ADGRB3: variants seen among roughly 807,000 people sequenced by gnomAD.
ADGRB3 encodes the protein brain-specific angiogenesis inhibitor 3.
In ADGRB3, 37 loss-of-function variants were observed where a neutral mutation model predicts 193.4. The observed-to-expected ratio is 0.19, with a 90% confidence interval of 0.15 to 0.25. The LOEUF is 0.25. ADGRB3 is among the 10% of genes least tolerant of loss of function. ADGRB3 has a pLI of 1.00. For missense variants in ADGRB3, 1,637 were observed against 1,852.9 expected (o/e 0.88, Z 2.14); for synonymous variants, 690 against 644.2 (o/e 1.07, Z -1.08).
intron 20 of ADGRB3, among the ~76,000 whole-genome samples, chr6:69,265,894 AGTTT>A (rs1316307031): frequency 1.3e-5 from 2 of 151,978 alleles, no homozygotes; most frequent in African/African-American, 4.8e-5. Context: ...AGGAAAATGT[AGTTT>A]GTTTACCTCA....
intron 3 of ADGRB3, among the ~76,000 whole-genome samples, chr6:68,797,276 A>G (rs981616036): frequency 1.3e-5 from 2 of 152,144 alleles, no homozygotes; most frequent in Non-Finnish European, 2.9e-5. Context: ...CAAACAAATG[A>G]TCTGTGGACA....
rs554136655 is a variant in ADGRB3, at chr6:68,729,459, T to A, written c.757+90027T>A. Among the ~76,000 whole-genome samples the A allele has an allele frequency of 3.3e-5, 5 of 151,754 alleles. No individual in the cohort carries two copies. In the East Asian group the frequency reaches 9.7e-4, roughly 30 times the overall value. ...TCTTGCTGGAGAGCTTGATGAATAC[T>A]GTGGCTGTAAAGTCAGAGCATGACG... On this transcript the variant is annotated intron_variant, in intron 3 of 31. Transcript: ENST00000370598.
At chr6:69,267,953 G>T (rs1767084054) in intron 20 of ADGRB3, among the ~76,000 whole-genome samples, 2 of 151,982 alleles carry the variant, frequency 1.3e-5, no homozygotes, top group Admixed American at 6.6e-5. Flanking sequence ...TTTTTGTGTG[G>T]CCCACATGTC....
intron 3 of ADGRB3, among the ~76,000 whole-genome samples, chr6:68,723,279 G>A (rs960472843): frequency 3.3e-5 from 5 of 151,616 alleles, no homozygotes; most frequent in African/African-American, 1.2e-4. Context: ...ATTTTTCTCA[G>A]GTCAGGTGGT....
chr6:69,172,310 C>T lies in ADGRB3; in HGVS notation c.2481-60980C>T, dbSNP rs558849941. ...CCAATACAGACGAGATCCCTGCTAT[C>T]GGGAGACATCTCTCCTAGTGGAGGG... On this transcript the variant is annotated intron_variant, in intron 17 of 31. Coordinates refer to ENST00000370598, the MANE Select transcript of ADGRB3 (RefSeq NM_001704.3). Among the ~76,000 whole-genome samples, 8 of 152,092 alleles carry T rather than the reference C, an allele frequency of 5.3e-5. No individual in the cohort carries two copies. In the South Asian group the frequency reaches 1.0e-3, roughly 20 times the overall value.
intron 3 of ADGRB3, among the ~76,000 whole-genome samples, chr6:68,777,069 G>T (rs1036003214): frequency 6.6e-6 from 1 of 152,062 alleles, no homozygotes; most frequent in Non-Finnish European, 1.5e-5. Flanking sequence ...TATACAATGT[G>T]CAAGATTTGC....
At chr6:69,107,542 A>G (rs1255140972) in intron 17 of ADGRB3, among the ~76,000 whole-genome samples, 1 of 152,232 alleles carries the variant, frequency 6.6e-6, no homozygotes, top group Non-Finnish European at 1.5e-5. Context: ...TAGCAGTTAC[A>G]AAATACACTG....
At chr6:68,659,741 A>G (rs1464670610) in intron 3 of ADGRB3, among the ~76,000 whole-genome samples, 1 of 151,148 alleles carries the variant, frequency 6.6e-6, no homozygotes, top group Non-Finnish European at 1.5e-5. Flanking sequence ...TGCATAATTT[A>G]ACAGATTAAG....
intron 3 of ADGRB3, among the ~76,000 whole-genome samples, chr6:68,754,254 A>G (rs1766258316): frequency 6.6e-6 from 1 of 152,132 alleles, no homozygotes; most frequent in Admixed American, 6.5e-5. Context: ...GGAAAATTAG[A>G]CTTTTGTTAG....
intron 17 of ADGRB3, among the ~76,000 whole-genome samples, chr6:69,186,579 G>T (rs1423636793): frequency 6.6e-6 from 1 of 151,812 alleles, no homozygotes; most frequent in African/African-American, 2.4e-5. Context: ...AATAAGAGAA[G>T]CCTGGCACAT....
In ADGRB3 at chr6:68,984,560, A is replaced by G. The variant is rs370524087; in HGVS notation, c.1735-9208A>G. ...TATCCCTTTCTAAATTTTGATAATG[A>G]ATGAGAGCAGAAGAATAGGGTAGTA... On this transcript the variant is annotated intron_variant, in intron 10 of 31. Coordinates refer to ENST00000370598, the MANE Select transcript of ADGRB3 (RefSeq NM_001704.3). 5.3e-5 allele frequency among the ~76,000 whole-genome samples: 8 copies of G among 152,308 alleles called. No homozygotes were observed. The East Asian group carries it at 9.6e-4, about 18-fold the overall frequency.
chr6:68,930,746 T>C (rs1164285356), intron 4 of ADGRB3, 77 bp downstream of exon 4: 1 of 1,134,508 alleles, frequency 8.8e-7, no homozygotes, highest in Non-Finnish European at 1.2e-6. Flanking sequence ...AATCTTTTGC[T>C]GCACATTTGT....
At chr6:69,056,211 G>T (rs566218937) in intron 15 of ADGRB3, among the ~76,000 whole-genome samples, 3 of 152,198 alleles carry the variant, frequency 2.0e-5, no homozygotes, top group East Asian at 1.9e-4. Context: ...TTTCTCTTAT[G>T]ATTAGTGATG....
At chr6:69,046,280 CT>C (rs1371198041) in intron 13 of ADGRB3, among the ~76,000 whole-genome samples, 1 of 152,068 alleles carries the variant, frequency 6.6e-6, no homozygotes, top group African/African-American at 2.4e-5. Flanking sequence ...AGTGAAATAA[CT>C]TTCCTCTAAA....
chr6:68,671,480 A>G (rs1315886584), intron 3 of ADGRB3, among the ~76,000 whole-genome samples: 1 of 151,992 alleles, frequency 6.6e-6, no homozygotes, highest in African/African-American at 2.4e-5. Flanking sequence ...TTCGAACTTT[A>G]TCAAATGCTT....
chr6:69,120,963 C>A (rs77626572), intron 17 of ADGRB3, among the ~76,000 whole-genome samples: 8 of 145,324 alleles, frequency 5.5e-5, no homozygotes, highest in African/African-American at 2.0e-4. Flanking sequence ...AAAACTGTTT[C>A]GATATGAATT....
chr6:68,681,866 T>C (rs907708679), intron 3 of ADGRB3, among the ~76,000 whole-genome samples: 1 of 152,216 alleles, frequency 6.6e-6, no homozygotes, highest in Non-Finnish European at 1.5e-5. Context: ...TAGGAACCTG[T>C]GCATTTTACT....
chr6:68,749,104 C>T (rs774436943), intron 3 of ADGRB3, among the ~76,000 whole-genome samples: 2 of 152,062 alleles, frequency 1.3e-5, no homozygotes, highest in Admixed American at 6.5e-5. Flanking sequence ...CCTCCTGGGC[C>T]TCTTGGTCTA....
intron 13 of ADGRB3, among the ~76,000 whole-genome samples, chr6:69,023,882 C>T (rs182003831): frequency 1.1e-3 from 160 of 152,142 alleles, no homozygotes; most frequent in Middle Eastern, 3.4e-3. Flanking sequence ...GATTCCATAA[C>T]TGACTGGGGT....
Sources: gnomAD v4.1 joint callset for allele counts (sites outside exome capture counted in the v4.1 genomes callset) on GRCh38, gnomAD v4.1.1 for gene constraint, MANE v1.5 for transcripts, NCBI Gene and HGNC (gene_info 2026-07-23, HGNC 2026-07-21) for gene names.